Variants in KCNQ3 observed in about 807,000 individuals in gnomAD.
KCNQ3 encodes potassium voltage-gated channel subfamily Q member 3.
In KCNQ3, 30 loss-of-function variants were observed where a neutral mutation model predicts 92.5. The ratio of observed to expected loss-of-function variants is 0.32; its 90% CI spans 0.24 to 0.44. The LOEUF is 0.44. Ranked by LOEUF, KCNQ3 falls within the 20% of genes least tolerant of loss-of-function variation. KCNQ3 has a pLI of 1.00. For synonymous variants in KCNQ3, 450 were observed against 468.8 expected, an observed-to-expected ratio of 0.96 and a Z score of 0.52; for missense variants, 913 against 1,140.3, an observed-to-expected ratio of 0.80 and a Z score of 2.87.
intron 9 of KCNQ3, among the ~76,000 whole-genome samples, chr8:132,158,329 G>A (rs989792315): frequency 2.0e-5 from 3 of 152,142 alleles, no homozygotes; most frequent in Non-Finnish European, 4.4e-5. Context: ...TGCCAACATT[G>A]TTCATGACTC....
intron 1 of KCNQ3, among the ~76,000 whole-genome samples, chr8:132,336,859 A>G (rs1441757482): frequency 6.6e-6 from 1 of 152,198 alleles, no homozygotes; most frequent in Non-Finnish European, 1.5e-5. Flanking sequence ...AGGCCCTCTT[A>G]TAGGATTGTT....
At chr8:132,143,450 G>A (rs2436141) in intron 9 of KCNQ3, among the ~76,000 whole-genome samples, 127,373 of 152,122 alleles carry the variant, frequency 0.84, 53,634 homozygotes, top group Middle Eastern at 0.89. Context: ...GGCTATCTTT[G>A]AACACAGCAC....
At chr8:132,191,567 GGATA>G (rs1179203863) in intron 1 of KCNQ3, among the ~76,000 whole-genome samples, 1 of 146,844 alleles carries the variant, frequency 6.8e-6, no homozygotes, top group Non-Finnish European at 1.5e-5. Context: ...ATAGATAGAT[GGATA>G]TATATCTAGA....
chr8:132,279,444 GTC>G (rs1266633933), intron 1 of KCNQ3, among the ~76,000 whole-genome samples: 1 of 152,156 alleles, frequency 6.6e-6, no homozygotes, highest in East Asian at 1.9e-4. Context: ...TTAGTTTAGG[GTC>G]AGTTAGATCT....
At chr8:132,416,782 C>T (rs980113917) in intron 1 of KCNQ3, among the ~76,000 whole-genome samples, 35 of 151,980 alleles carry the variant, frequency 2.3e-4, no homozygotes, top group Non-Finnish European at 3.5e-4. Context: ...GCTGGGTCCA[C>T]GCTGAGAAAA....
intron 1 of KCNQ3, among the ~76,000 whole-genome samples, chr8:132,285,035 C>T (rs1342399018): frequency 5.9e-5 from 9 of 152,140 alleles, no homozygotes; most frequent in African/African-American, 1.9e-4. Context: ...AAATAAACCT[C>T]GTTTCTGTAT....
intron 5 of KCNQ3, among the ~76,000 whole-genome samples, chr8:132,175,053 C>A (rs1826503137): frequency 6.6e-6 from 1 of 152,210 alleles, no homozygotes; most frequent in Non-Finnish European, 1.5e-5. Flanking sequence ...AGAAAGCCTT[C>A]AGTGAATGCC....
chr8:132,216,752 T>C (rs866933250), intron 1 of KCNQ3, among the ~76,000 whole-genome samples: 17 of 152,254 alleles, frequency 1.1e-4, no homozygotes, highest in Middle Eastern at 3.4e-3. Context: ...ATTTGCATGT[T>C]AGGAAGCACT....
intron 1 of KCNQ3, among the ~76,000 whole-genome samples, chr8:132,359,524 C>A (rs1819108686): frequency 1.3e-5 from 2 of 152,050 alleles, no homozygotes; most frequent in Admixed American, 1.3e-4. Context: ...GTTACGATGC[C>A]TCTTGGACAC....
chr8:132,401,187 A>T (rs1820322648), intron 1 of KCNQ3, among the ~76,000 whole-genome samples: 1 of 152,068 alleles, frequency 6.6e-6, no homozygotes, highest in Non-Finnish European at 1.5e-5. Flanking sequence ...CCACATAGAG[A>T]CTGAGCGGAG....
chr8:132,129,896 C>T lies in KCNQ3; in HGVS notation c.1985G>A (p.Gly662Asp), dbSNP rs764547562. The T allele has an allele frequency of 2.5e-6, 4 of 1,613,958 alleles. No individual in the cohort carries two copies. Among genetic ancestry groups the T allele is most frequent in the African/African-American group, 2.7e-5 (2 of 74,910 alleles). ...CTCTGCTTCAGCTGGCGAGGAGGTG[C>T]CCTTGGTTGGGTAATACTCCGTGAC... Reference protein sequence around the residue: ...VQVTEYYPTKGTSSPAEAEKK... With the variant: ...VQVTEYYPTKDTSSPAEAEKK... The change falls in exon 15 of 15, where the codon GGC becomes GAC. Residue 662 changes from glycine (G) to aspartate (D), a missense_variant. Physicochemically the swap from Gly to Asp is moderately conservative, Grantham distance 94 (BLOSUM62 -1). Coordinates refer to ENST00000388996, the MANE Select transcript of KCNQ3 (RefSeq NM_004519.4). The surrounding 1 kb of genome is among the most constrained non-coding windows in gnomAD (Gnocchi z 5.9).
chr8:132,159,838 CCATCCATCCAT>C (rs1825929795), intron 9 of KCNQ3, among the ~76,000 whole-genome samples: 1 of 152,104 alleles, frequency 6.6e-6, no homozygotes, highest in Non-Finnish European at 1.5e-5. Flanking sequence ...ATCCATCTAT[CCATCCATCCAT>C]CATCCACCCA....
chr8:132,448,464 CAAG>C (rs1339940200), intron 1 of KCNQ3, among the ~76,000 whole-genome samples: 1 of 98,968 alleles, frequency 1.0e-5, no homozygotes, highest in Non-Finnish European at 1.9e-5. Flanking sequence ...TTTCCCAGAA[CAAG>C]AAGCTGAGCT....
rs191646486 is a variant in KCNQ3, at chr8:132,131,907, G to A, written c.1884+273C>T. On this transcript the variant is annotated intron_variant, in intron 14 of 14. Transcript: ENST00000388996. ...GTTCGAGACCAGCCTGGCCAACATG[G>A]TGAAACCCCATCTCTACTAAAAATA... Among the ~76,000 whole-genome samples the A allele has an allele frequency of 2.6e-5, 4 of 152,174 alleles. No individual in the cohort carries two copies. The East Asian group carries it at 7.7e-4, about 29-fold the overall frequency.
At chr8:132,411,462 G>A (rs919992022) in intron 1 of KCNQ3, among the ~76,000 whole-genome samples, 4 of 152,130 alleles carry the variant, frequency 2.6e-5, no homozygotes, top group African/African-American at 9.7e-5. Context: ...GAAGGAGGTG[G>A]CCCTGGGTGT....
At chr8:132,235,271 G>T (rs542066862) in intron 1 of KCNQ3, among the ~76,000 whole-genome samples, 33 of 93,484 alleles carry the variant, frequency 3.5e-4, no homozygotes, top group African/African-American at 8.0e-4. Context: ...GGCCAAGGGT[G>T]GGGGGGGAAT....
intron 6 of KCNQ3, among the ~76,000 whole-genome samples, chr8:132,173,361 C>T (rs1022358973): frequency 6.6e-6 from 1 of 152,040 alleles, no homozygotes; most frequent in African/African-American, 2.4e-5. Context: ...AAAAAACCGA[C>T]AAGGTAGGGC....
At chr8:132,151,970 A>G (rs1024593317) in intron 9 of KCNQ3, among the ~76,000 whole-genome samples, 2 of 152,250 alleles carry the variant, frequency 1.3e-5, no homozygotes, top group Admixed American at 1.3e-4. Context: ...AGTATATGCT[A>G]TCATAATTAA....
chr8:132,225,759 T>A (rs772192349), intron 1 of KCNQ3, among the ~76,000 whole-genome samples: 6 of 152,208 alleles, frequency 3.9e-5, no homozygotes, highest in Non-Finnish European at 2.9e-5. Context: ...AGCAGGTCAC[T>A]ACTTACAGAG....
Sources: gnomAD v4.1 joint callset for allele counts (sites outside exome capture counted in the v4.1 genomes callset) on GRCh38, gnomAD v4.1.1 for gene constraint, Gnocchi (gnomAD v3.1) non-coding constraint, MANE v1.5 for transcripts, NCBI Gene and HGNC (gene_info 2026-07-23, HGNC 2026-07-21) for gene names.